Variants in SYNPR observed in about 807,000 individuals in gnomAD.
SYNPR encodes synaptoporin.
A neutral mutation model predicts 32.9 loss-of-function variants in SYNPR; 23 were observed. That is an observed-to-expected ratio of 0.70 (90% CI 0.50 to 0.99). The LOEUF (loss-of-function observed/expected upper bound fraction) is 0.99, where lower values mean the gene tolerates loss of function less well. Among genes scored for constraint, SYNPR ranks in the 50% least tolerant of loss-of-function variants. The pLI is 0.00. For synonymous variants in SYNPR, 146 were observed against 135.9 expected, an observed-to-expected ratio of 1.07 and a Z score of -0.52; for missense variants, 318 against 349.3, an observed-to-expected ratio of 0.91 and a Z score of 0.71.
chr3:63,251,574 G>A (rs2086331230), intron 1 of SYNPR, among the ~76,000 whole-genome samples: 1 of 152,130 alleles, frequency 6.6e-6, no homozygotes, highest in Non-Finnish European at 1.5e-5. Context: ...AAATCTGACA[G>A]AGCTTGCAAG....
intron 3 of SYNPR, among the ~76,000 whole-genome samples, chr3:63,533,004 TC>T (rs1702137780): frequency 6.6e-6 from 1 of 152,202 alleles, no homozygotes; most frequent in Non-Finnish European, 1.5e-5. Context: ...ATTGAATTAA[TC>T]TCTCGCCTTT....
At chr3:63,498,987 A>G (rs75349477) in intron 3 of SYNPR, among the ~76,000 whole-genome samples, 1 of 151,388 alleles carries the variant, frequency 6.6e-6, no homozygotes, top group Admixed American at 6.6e-5. Flanking sequence ...AAAAAAAAAA[A>G]CTACACAAGT....
chr3:63,408,158 GA>G lies in SYNPR; in HGVS notation c.85-72671del, dbSNP rs71926402. Among the ~76,000 whole-genome samples the G allele has an allele frequency of 3.4e-5, 2 of 59,126 alleles. 1 individual carries two copies. The highest frequency in any genetic ancestry group is 6.3e-5 in the Non-Finnish European group (2 of 31,558). 38.8% of individuals were successfully genotyped at this position (59,126 alleles called of 152,430 possible). A position where few individuals can be genotyped will look rare whatever the true frequency, so the allele number is the denominator to read the frequency against. ...AGAAGAAAGAAAAGAAAGAAAGAAA[GA>G]AAGAAAGAAAGAAAGAAAGAAAGAA... On this transcript the variant is annotated intron_variant, in intron 2 of 5. Transcript: ENST00000478300.
chr3:63,240,824 C>G (rs1000381703), intron 1 of SYNPR, among the ~76,000 whole-genome samples: 9 of 152,052 alleles, frequency 5.9e-5, no homozygotes, highest in Non-Finnish European at 1.3e-4. Flanking sequence ...CCAGTCTATA[C>G]AAGGAGGAAA....
chr3:63,607,830 G>C (rs1700145309), intron 4 of SYNPR, among the ~76,000 whole-genome samples: 2 of 152,118 alleles, frequency 1.3e-5, no homozygotes, highest in Admixed American at 6.5e-5. Flanking sequence ...GAGTGTAAAA[G>C]TTCCCTCAGT....
intron 4 of SYNPR, among the ~76,000 whole-genome samples, chr3:63,606,240 T>G (rs1700117159): frequency 6.6e-6 from 1 of 151,982 alleles, no homozygotes; most frequent in African/African-American, 2.4e-5. Flanking sequence ...GAAACTTAGT[T>G]ATATTACTGA....
At chr3:63,582,292 G>A (rs17069101) in intron 4 of SYNPR, among the ~76,000 whole-genome samples, 5,803 of 152,132 alleles carry the variant, frequency 0.038, 400 homozygotes, top group African/African-American at 0.13. Context: ...TCCTCTTTAT[G>A]AGTAAGAATA....
intron 2 of SYNPR, among the ~76,000 whole-genome samples, chr3:63,380,550 G>T (rs1186499405): frequency 6.6e-6 from 1 of 151,892 alleles, no homozygotes; most frequent in Non-Finnish European, 1.5e-5. Context: ...TTTTTTTCTT[G>T]TAAATTTGTT....
chr3:63,340,425 T>TTC (rs2087351512), intron 2 of SYNPR, among the ~76,000 whole-genome samples: 1 of 148,110 alleles, frequency 6.8e-6, no homozygotes, highest in East Asian at 2.0e-4. Flanking sequence ...ATGTATTTTT[T>TTC]TTTTTTTTTT....
upstream of SYNPR, among the ~76,000 whole-genome samples, chr3:63,276,695 C>T (rs1023536978): frequency 2.2e-5 from 3 of 135,766 alleles, no homozygotes; most frequent in African/African-American, 8.2e-5. Flanking sequence ...TAGGCTCTAT[C>T]TGCATGTAGG....
intron 3 of SYNPR, among the ~76,000 whole-genome samples, chr3:63,540,079 G>A (rs993596156): frequency 1.3e-5 from 2 of 152,052 alleles, no homozygotes; most frequent in Non-Finnish European, 1.5e-5. Context: ...AGAGGAGTAC[G>A]GCTATTTATT....
intron 3 of SYNPR, among the ~76,000 whole-genome samples, chr3:63,540,788 T>A (rs181647222): frequency 1.0e-3 from 153 of 151,924 alleles, no homozygotes; most frequent in Admixed American, 2.4e-3. Context: ...GAGAGACACA[T>A]ACAGAAGACA....
chr3:63,563,428 G>GCTACACCTT (rs1702726084), intron 4 of SYNPR, among the ~76,000 whole-genome samples: 1 of 152,110 alleles, frequency 6.6e-6, no homozygotes, highest in South Asian at 2.1e-4. Context: ...TTTCCCACCA[G>GCTACACCTT]CTACACCTTT....
At chr3:63,540,614 A>G (rs1273139514) in intron 3 of SYNPR, among the ~76,000 whole-genome samples, 1 of 152,082 alleles carries the variant, frequency 6.6e-6, no homozygotes, top group Admixed American at 6.6e-5. Flanking sequence ...CATGAATTCA[A>G]TAAAATGTCC....
chr3:63,370,601 C>T (rs1241159183), intron 2 of SYNPR, among the ~76,000 whole-genome samples: 1 of 152,130 alleles, frequency 6.6e-6, no homozygotes, highest in Non-Finnish European at 1.5e-5. Context: ...TACCACATGG[C>T]CTTTTGTCTA....
At chr3:63,210,168 T>A in the SYNPR span, among the ~76,000 whole-genome samples, 1 of 152,238 alleles carries the variant, frequency 6.6e-6, no homozygotes, top group African/African-American at 2.4e-5. Flanking sequence ...TAGCTCTAAT[T>A]CATTAATGAG....
intron 2 of SYNPR, among the ~76,000 whole-genome samples, chr3:63,408,456 G>A (rs1560221381): frequency 6.6e-6 from 1 of 152,162 alleles, no homozygotes; most frequent in Non-Finnish European, 1.5e-5. Context: ...CATGCCATCT[G>A]CAAGCTGGAG....
chr3:63,480,973 C>T lies in SYNPR; in HGVS notation c.209+17C>T. 2 of 1,606,644 alleles carry T rather than the reference C, an allele frequency of 1.2e-6. No homozygotes were observed. Among genetic ancestry groups the T allele is most frequent in the South Asian group, 2.2e-5 (2 of 90,030 alleles). On this transcript the variant is annotated intron_variant, in intron 3 of 5. Coordinates refer to ENST00000478300, the MANE Select transcript of SYNPR (RefSeq NM_001130003.2). ...CCCATTCAGGTAGGGAATGGTGGTT[C>T]ATGCTTGTTAGCCTCACAGGGGGTT...
At chr3:63,524,417 C>T (rs778660654) in intron 3 of SYNPR, among the ~76,000 whole-genome samples, 16 of 152,140 alleles carry the variant, frequency 1.1e-4, no homozygotes, top group Non-Finnish European at 2.2e-4. Context: ...TTCAGGATGG[C>T]TACGAAGGAG....
Sources: allele counts gnomAD v4.1 joint callset (sites outside exome capture counted in the v4.1 genomes callset), GRCh38; gene constraint gnomAD v4.1.1; transcripts MANE v1.5; gene names NCBI Gene and HGNC (gene_info 2026-07-23, HGNC 2026-07-21).